Variants in NECAB1 observed in about 807,000 individuals in gnomAD.
The protein encoded by NECAB1 is N-terminal EF-hand calcium binding protein 1, also known as N-terminal EF-hand calcium-binding protein 1.
A neutral mutation model predicts 57.5 loss-of-function variants in NECAB1; 29 were observed. That is an observed-to-expected ratio of 0.50 (90% CI 0.38 to 0.69). The LOEUF (loss-of-function observed/expected upper bound fraction) is 0.69. NECAB1 is among the 30% of genes least tolerant of loss of function. The pLI is 0.00. For missense variants in NECAB1, 372 were observed against 413.8 expected (o/e 0.90, Z 0.88); for synonymous variants, 142 against 147.7 (o/e 0.96, Z 0.28).
intron 5 of NECAB1, among the ~76,000 whole-genome samples, chr8:90,899,720 T>G (rs1809451297): frequency 6.6e-6 from 1 of 152,236 alleles, no homozygotes; most frequent in Non-Finnish European, 1.5e-5. Flanking sequence ...GATTTTTGTA[T>G]GTGTTTATTA....
chr8:90,872,287 A>C, intron 4 of NECAB1, 134 bp downstream of exon 4: 6 of 700,232 alleles, frequency 8.6e-6, no homozygotes, highest in African/African-American at 1.9e-5. Flanking sequence ...TCGAGATCTC[A>C]AGGGATTTAT....
chr8:90,825,007 A>G (rs1049149610), intron 3 of NECAB1, 182 bp downstream of exon 3: 8 of 365,304 alleles, frequency 2.2e-5, no homozygotes, highest in Non-Finnish European at 4.0e-5. Context: ...ACTTTGAATC[A>G]GAAAATAATG....
chr8:90,879,240 G>A (rs1192430820), intron 4 of NECAB1, among the ~76,000 whole-genome samples: 1 of 145,054 alleles, frequency 6.9e-6, no homozygotes, highest in African/African-American at 2.6e-5. Context: ...CCAGGCTGGA[G>A]TGCAGTGGCA....
intron 1 of NECAB1, among the ~76,000 whole-genome samples, chr8:90,794,057 TA>T (rs1302404432): frequency 6.6e-6 from 1 of 152,158 alleles, no homozygotes. Flanking sequence ...ACTGATTCCC[TA>T]TGAGAGGTGT....
At chr8:90,814,817 C>T (rs1175254119) in intron 2 of NECAB1, among the ~76,000 whole-genome samples, 6 of 152,044 alleles carry the variant, frequency 3.9e-5, no homozygotes, top group Non-Finnish European at 5.9e-5. Flanking sequence ...TCTTTTTTAT[C>T]AGAGAATGTT....
intron 5 of NECAB1, among the ~76,000 whole-genome samples, chr8:90,898,075 G>T (rs1809404571): frequency 6.6e-6 from 1 of 152,090 alleles, no homozygotes; most frequent in South Asian, 2.1e-4. Context: ...GAGGTAATAT[G>T]ACCTCAAATT....
intron 3 of NECAB1, chr8:90,825,036 C>T (rs74633848): frequency 1.2e-5 from 4 of 324,422 alleles, no homozygotes; most frequent in Non-Finnish European, 2.2e-5. Context: ...TAGAAAGCTC[C>T]CCTGAAGTGT....
intron 3 of NECAB1, among the ~76,000 whole-genome samples, chr8:90,853,532 T>C (rs1563506087): frequency 6.6e-6 from 1 of 152,224 alleles, no homozygotes; most frequent in Non-Finnish European, 1.5e-5. Flanking sequence ...GTTTTTTTCA[T>C]TTATAGCAGC....
At chr8:90,794,879 T>G (rs1366673646) in intron 1 of NECAB1, among the ~76,000 whole-genome samples, 1 of 152,222 alleles carries the variant, frequency 6.6e-6, no homozygotes, top group Non-Finnish European at 1.5e-5. Context: ...TATAGAATTG[T>G]CTTGCTAGAA....
At chr8:90,879,088 T>C (rs1256874793) in intron 4 of NECAB1, among the ~76,000 whole-genome samples, 2 of 140,558 alleles carry the variant, frequency 1.4e-5, no homozygotes, top group South Asian at 2.1e-4. Flanking sequence ...TTATATATAT[T>C]ATATATATAA....
chr8:90,951,602 G>T (rs1810925511), intron 12 of NECAB1, among the ~76,000 whole-genome samples: 1 of 151,998 alleles, frequency 6.6e-6, no homozygotes, highest in Admixed American at 6.6e-5. Flanking sequence ...TATGTGCTAG[G>T]CATCAGGGTG....
chr8:90,936,765 A>G (rs1356092867), intron 9 of NECAB1, among the ~76,000 whole-genome samples: 1 of 152,196 alleles, frequency 6.6e-6, no homozygotes, highest in Non-Finnish European at 1.5e-5. Flanking sequence ...GAGCCGTTAC[A>G]TAATGATGAG....
chr8:90,879,215 T>G (rs980565094), intron 4 of NECAB1, among the ~76,000 whole-genome samples: 13 of 144,502 alleles, frequency 9.0e-5, no homozygotes, highest in Non-Finnish European at 1.8e-4. Flanking sequence ...TTTTAGACAA[T>G]GTCTCATCTG....
chr8:90,815,716 T>G (rs999506668), intron 2 of NECAB1, among the ~76,000 whole-genome samples: 14 of 152,070 alleles, frequency 9.2e-5, no homozygotes, highest in Admixed American at 7.2e-4. Context: ...AGTTTTTCCA[T>G]GACTTCATAG....
At chr8:90,950,580 A>G (rs947818676) in intron 11 of NECAB1, among the ~76,000 whole-genome samples, 4 of 152,186 alleles carry the variant, frequency 2.6e-5, no homozygotes, top group African/African-American at 9.6e-5. Flanking sequence ...GATGGAAGTA[A>G]TAGAATACCT....
At chr8:90,852,577 C>A (rs1217515113) in intron 3 of NECAB1, among the ~76,000 whole-genome samples, 1 of 152,108 alleles carries the variant, frequency 6.6e-6, no homozygotes, top group African/African-American at 2.4e-5. Flanking sequence ...CCACCCATGG[C>A]CCACCCTGCC....
At chr8:90,867,212 A>G (rs546544057) in intron 3 of NECAB1, among the ~76,000 whole-genome samples, 2 of 152,372 alleles carry the variant, frequency 1.3e-5, no homozygotes, top group South Asian at 4.1e-4. Flanking sequence ...AATGTCATGC[A>G]GATTATTCTA....
At chr8:90,893,227 C>T (rs1039533997) in intron 5 of NECAB1, among the ~76,000 whole-genome samples, 1 of 152,088 alleles carries the variant, frequency 6.6e-6, no homozygotes, top group Non-Finnish European at 1.5e-5. Context: ...TCTTGATCCT[C>T]CAAGTGGGGT....
At chr8:90,792,351 C>A (rs1360786355) in intron 1 of NECAB1, among the ~76,000 whole-genome samples, 1 of 152,168 alleles carries the variant, frequency 6.6e-6, no homozygotes, top group African/African-American at 2.4e-5. Flanking sequence ...CTCTAACGCG[C>A]CCTATTCGCA....
Sources: gnomAD v4.1 joint callset for allele counts (sites outside exome capture counted in the v4.1 genomes callset) on GRCh38, gnomAD v4.1.1 for gene constraint, MANE v1.5 for transcripts, NCBI Gene and HGNC (gene_info 2026-07-23, HGNC 2026-07-21) for gene names.